COL4A2: variants seen among roughly 807,000 people sequenced by gnomAD.
COL4A2 encodes collagen type IV alpha 2 chain, also known as collagen alpha-2(IV) chain.
Under a neutral mutation model 200.2 loss-of-function variants are expected in COL4A2, and 99 were observed. The observed-to-expected ratio is 0.49, with a 90% CI of 0.42 to 0.58. The LOEUF (loss-of-function observed/expected upper bound fraction) is 0.58. Ranked by LOEUF, COL4A2 falls within the 20% of genes least tolerant of loss-of-function variation. The pLI, the probability that COL4A2 is intolerant of heterozygous loss-of-function variation, is 0.00. For synonymous variants in COL4A2, 897 were observed against 900.6 expected (o/e 1.00, Z 0.07); for missense variants, 1,950 against 2,314.1 (o/e 0.84, Z 3.23).
chr13:110,489,295 A>G (rs1451772707), intron 34 of COL4A2, 150 bp from the exon 35 acceptor site: 9 of 723,468 alleles, frequency 1.2e-5, no homozygotes, highest in Non-Finnish European at 2.2e-5. Context: ...TATGATACAC[A>G]CTAAAAAACA....
intron 40 of COL4A2, among the ~76,000 whole-genome samples, chr13:110,498,690 G>A (rs1283962426): frequency 6.6e-6 from 1 of 152,224 alleles, no homozygotes; most frequent in Non-Finnish European, 1.5e-5. Flanking sequence ...ACTTGCTGGA[G>A]AAGAATATTG....
chr13:110,452,284 C>T (rs1881566279), intron 20 of COL4A2, among the ~76,000 whole-genome samples: 1 of 152,142 alleles, frequency 6.6e-6, no homozygotes, highest in Non-Finnish European at 1.5e-5. Context: ...AGGCGCCCGC[C>T]ACCGCGCAGC....
intron 3 of COL4A2, chr13:110,328,355 A>G (rs1875740075): frequency 6.6e-6 from 1 of 152,218 alleles, no homozygotes; most frequent in Non-Finnish European, 1.5e-5. Flanking sequence ...CTGTTCCACC[A>G]TTAAATAAAA....
chr13:110,411,103 G>A (rs1411708338), intron 4 of COL4A2, among the ~76,000 whole-genome samples: 1 of 152,110 alleles, frequency 6.6e-6, no homozygotes, highest in Non-Finnish European at 1.5e-5. Context: ...GCTCCTATCT[G>A]TGGTCAGCAC....
chr13:110,424,890 C>T (rs1295710308), intron 5 of COL4A2, 22 bp downstream of exon 5: 5 of 1,614,116 alleles, frequency 3.1e-6, no homozygotes, highest in East Asian at 2.2e-5. Context: ...TGGTGTATTC[C>T]CCTGGCCTCA....
chr13:110,340,770 G>A (rs906953009), intron 3 of COL4A2, among the ~76,000 whole-genome samples: 2 of 152,102 alleles, frequency 1.3e-5, no homozygotes, highest in Admixed American at 6.5e-5. Context: ...TAAGTTCCCC[G>A]AGAGCAAACC....
intron 39 of COL4A2, among the ~76,000 whole-genome samples, chr13:110,493,882 G>A (rs557419147): frequency 9.2e-5 from 14 of 152,264 alleles, no homozygotes; most frequent in Non-Finnish European, 2.1e-4. Context: ...GCTCTCCCCT[G>A]TCACTTCTTA....
At chr13:110,372,820 G>A (rs1259961783) in intron 4 of COL4A2, among the ~76,000 whole-genome samples, 1 of 152,182 alleles carries the variant, frequency 6.6e-6, no homozygotes, top group East Asian at 1.9e-4. Flanking sequence ...CTATGCCTTT[G>A]GGCAGGTTTT....
chr13:110,492,054 C>T lies in COL4A2; in HGVS notation c.3455-16C>T. 1 of 1,549,034 alleles carries T rather than the reference C, an allele frequency of 6.5e-7. No homozygotes were observed. Among genetic ancestry groups the T allele is most frequent in the Non-Finnish European group, 8.7e-7 (1 of 1,145,340 alleles). On this transcript the variant is annotated splice_polypyrimidine_tract_variant and intron_variant, in intron 37 of 47. Coordinates refer to ENST00000360467, the MANE Select transcript of COL4A2 (RefSeq NM_001846.4). ...GTGTCCTGTGTGCTCAGACTTAATGCTGTGTTCACCCCCAGGCTTTCCAGG... is the reference window on the plus strand; with the variant it reads ...GTGTCCTGTGTGCTCAGACTTAATGTTGTGTTCACCCCCAGGCTTTCCAGG...
At chr13:110,475,770 C>T (rs1037351054) in intron 29 of COL4A2, among the ~76,000 whole-genome samples, 4 of 152,348 alleles carry the variant, frequency 2.6e-5, no homozygotes, top group East Asian at 1.9e-4. Flanking sequence ...GTGCACCCTG[C>T]GCTTCTGAGC....
Position 110,487,674 on chromosome 13 carries a change from C to CA in COL4A2, c.3208-1769dup, listed in dbSNP as rs553886173. Among the ~76,000 whole-genome samples the CA allele has an allele frequency of 7.2e-5, 11 of 152,344 alleles. No individual in the cohort carries two copies. The South Asian group carries it at 2.3e-3, about 32-fold the overall frequency. ...AATGAGAATTCTTGGTAAAATCCAA[C>CA]AACCTAACTTCATTTCCAAACTTTA... On this transcript the variant is annotated intron_variant, in intron 34 of 47. Transcript: ENST00000360467.
chr13:110,452,290 G>A (rs760536335), intron 20 of COL4A2, among the ~76,000 whole-genome samples: 8 of 150,760 alleles, frequency 5.3e-5, no homozygotes, highest in Non-Finnish European at 8.9e-5. Context: ...CCGCCACCGC[G>A]CAGCTGGGAC....
At chr13:110,432,249 C>A in intron 10 of COL4A2, 76 bp from the exon 11 acceptor site, 1 of 1,514,444 alleles carries the variant, frequency 6.6e-7, no homozygotes. Flanking sequence ...AATGGCTTTC[C>A]CAGAGCTTTC....
At chr13:110,373,441 A>G (rs1878102736) in intron 4 of COL4A2, among the ~76,000 whole-genome samples, 1 of 152,240 alleles carries the variant, frequency 6.6e-6, no homozygotes, top group Non-Finnish European at 1.5e-5. Flanking sequence ...TTTTCTTAAA[A>G]AAGCAAAAAT....
chr13:110,449,568 C>A, intron 18 of COL4A2, 111 bp from the exon 19 acceptor site: 1 of 1,013,248 alleles, frequency 9.9e-7, no homozygotes, highest in Non-Finnish European at 1.4e-6. Context: ...CATCAGGCCG[C>A]ATACAGCATA....
rs533579474 is a variant in COL4A2 at position 110,435,598 on chromosome 13, C to G, written c.727-671C>G. ...GTGTTATGTGATATCTGGGCTCAGA[C>G]TTGTATGATACAGTTTAATGTGGAA... On this transcript the variant is annotated intron_variant, in intron 12 of 47. Coordinates refer to ENST00000360467, the MANE Select transcript of COL4A2 (RefSeq NM_001846.4). Among the ~76,000 whole-genome samples the G allele has an allele frequency of 1.4e-4, 22 of 152,248 alleles. No homozygotes were observed. The South Asian group carries it at 4.1e-3, about 29-fold the overall frequency.
chr13:110,506,749 G>A, intron 46 of COL4A2, 143 bp downstream of exon 46: 8 of 911,142 alleles, frequency 8.8e-6, no homozygotes, highest in Non-Finnish European at 1.3e-5. Flanking sequence ...TTCCTCGAGT[G>A]CAGAAAGATT....
chr13:110,323,800 CAG>C (rs1410955444), intron 3 of COL4A2, among the ~76,000 whole-genome samples: 2 of 152,212 alleles, frequency 1.3e-5, no homozygotes. Context: ...ACACAATAGA[CAG>C]AGCTGGTGGG....
chr13:110,393,261 CAT>C (rs1594188677), intron 4 of COL4A2, among the ~76,000 whole-genome samples: 2 of 152,264 alleles, frequency 1.3e-5, no homozygotes, highest in East Asian at 1.9e-4. Context: ...TTAAGGGAAA[CAT>C]AAAATTAAAA....
Sources: gnomAD v4.1 joint callset for allele counts (sites outside exome capture counted in the v4.1 genomes callset) on GRCh38, gnomAD v4.1.1 for gene constraint, MANE v1.5 for transcripts, NCBI Gene and HGNC (gene_info 2026-07-23, HGNC 2026-07-21) for gene names.